Variants in SLC30A8 observed in about 807,000 individuals in gnomAD.
The protein encoded by SLC30A8 is solute carrier family 30 member 8.
A neutral mutation model predicts 36.9 loss-of-function variants in SLC30A8; 27 were observed. The observed-to-expected ratio is 0.73, with a 90% CI of 0.54 to 1.01. The LOEUF is 1.01. SLC30A8 is among the 50% of genes least tolerant of loss of function. SLC30A8 has a pLI of 0.00. For missense variants in SLC30A8, 439 were observed against 452.0 expected (o/e 0.97, Z 0.26); for synonymous variants, 164 against 172.4 (o/e 0.95, Z 0.38).
intron 2 of SLC30A8, chr8:117,147,580 C>A (rs1821958366): frequency 1.9e-5 from 3 of 160,266 alleles, no homozygotes; most frequent in Non-Finnish European, 4.1e-5. Context: ...TGCTTATGGA[C>A]AATGCTGCAA....
chr8:116,956,292 A>G (rs1174985345), intron 1 of SLC30A8, among the ~76,000 whole-genome samples: 1 of 152,194 alleles, frequency 6.6e-6, no homozygotes, highest in East Asian at 1.9e-4. Flanking sequence ...GGACAGGCTG[A>G]AAATAGCTAT....
intron 2 of SLC30A8, among the ~76,000 whole-genome samples, chr8:117,048,153 G>A (rs1434661198): frequency 6.6e-6 from 1 of 152,076 alleles, no homozygotes; most frequent in Non-Finnish European, 1.5e-5. Context: ...ATTCTTTCTT[G>A]CACAAGATCC....
At chr8:117,090,101 C>T (rs1191561427) in intron 2 of SLC30A8, among the ~76,000 whole-genome samples, 1 of 151,976 alleles carries the variant, frequency 6.6e-6, no homozygotes, top group Non-Finnish European at 1.5e-5. Context: ...GCCTCCCAAG[C>T]TACAGGCATC....
At chr8:117,090,314 C>A (rs556865701) in intron 2 of SLC30A8, among the ~76,000 whole-genome samples, 2 of 152,150 alleles carry the variant, frequency 1.3e-5, no homozygotes, top group Admixed American at 6.5e-5. Flanking sequence ...CTCTAAGAAG[C>A]CTTTGCTTCA....
intron 1 of SLC30A8, among the ~76,000 whole-genome samples, chr8:116,960,329 A>G (rs554536544): frequency 3.3e-5 from 5 of 152,286 alleles, no homozygotes; most frequent in African/African-American, 9.6e-5. Context: ...TTTTGAAAGG[A>G]TGCTCTTTAT....
chr8:117,157,780 G>C lies in SLC30A8; in HGVS notation c.508G>C (p.Asp170His), dbSNP rs1304394544. Residue 170 changes from aspartate (D) to histidine (H), a missense_variant, in exon 4 of 8, where the codon GAT becomes CAT. Physicochemically the swap from Asp to His is moderately conservative, Grantham distance 81 (BLOSUM62 -1). Coordinates refer to ENST00000456015, the MANE Select transcript of SLC30A8 (RefSeq NM_173851.3). ...YLACERLLYPDYQIQATVMII... is the reference protein window; with the variant it reads ...YLACERLLYPHYQIQATVMII... ...GGCATGTGAGCGCCTGCTGTATCCT[G>C]ATTACCAGATCCAGGCGACTGTGAT... 1.2e-6 allele frequency: 2 copies of C among 1,614,124 alleles called. No individual in the cohort carries two copies.
At chr8:117,058,037 C>T (rs938620388) in intron 2 of SLC30A8, among the ~76,000 whole-genome samples, 1 of 152,140 alleles carries the variant, frequency 6.6e-6, no homozygotes, top group African/African-American at 2.4e-5. Context: ...TTCTCCACAC[C>T]TTCCATAACA....
intron 2 of SLC30A8, among the ~76,000 whole-genome samples, chr8:117,123,971 A>G (rs1401025450): frequency 6.6e-6 from 1 of 151,904 alleles, no homozygotes; most frequent in Non-Finnish European, 1.5e-5. Flanking sequence ...TGGTGTGCAC[A>G]TTCTTATTAT....
chr8:117,015,963 C>T (rs1484480419), intron 1 of SLC30A8, among the ~76,000 whole-genome samples: 1 of 151,976 alleles, frequency 6.6e-6, no homozygotes, highest in Non-Finnish European at 1.5e-5. Flanking sequence ...ACAGGTGTGT[C>T]TAATGGTTTG....
Position 116,959,076 on chromosome 8 carries a change from C to T in SLC30A8, c.-266+7957C>T, listed in dbSNP as rs545637898. 2.0e-3 allele frequency among the ~76,000 whole-genome samples: 299 copies of T among 152,136 alleles called. 4 individuals carry two copies. Among genetic ancestry groups the T allele is most frequent in the African/African-American group, 6.7e-3 (279 of 41,498 alleles). On this transcript the variant is annotated intron_variant, in intron 1 of 10. Transcript: ENST00000427715. ...GTGTTAGCCGGGATGGTCTCGATCT[C>T]CTGACCTCGTGATCTGCCCGCCTCG... is the stretch of plus-strand genomic sequence containing the variant.
intron 2 of SLC30A8, among the ~76,000 whole-genome samples, chr8:117,071,960 G>C (rs2130799877): frequency 6.6e-6 from 1 of 151,444 alleles, no homozygotes; most frequent in East Asian, 1.9e-4. Flanking sequence ...GCCTTGTTTT[G>C]TTCTGCGTTC....
At chr8:117,061,108 A>T (rs1363545548) in intron 2 of SLC30A8, among the ~76,000 whole-genome samples, 1 of 152,230 alleles carries the variant, frequency 6.6e-6, no homozygotes, top group African/African-American at 2.4e-5. Context: ...TAGATGGAAG[A>T]GTATAAATTG....
chr8:117,051,596 A>G (rs13257552), intron 2 of SLC30A8, among the ~76,000 whole-genome samples: 45,260 of 151,844 alleles, frequency 0.3, 7,305 homozygotes, highest in African/African-American at 0.43. Flanking sequence ...GGCGGATCAC[A>G]AGGTCAGGAG....
At chr8:117,043,696 G>A (rs1013791205) in intron 2 of SLC30A8, among the ~76,000 whole-genome samples, 2 of 152,110 alleles carry the variant, frequency 1.3e-5, no homozygotes, top group African/African-American at 4.8e-5. Flanking sequence ...TCAGAGATTT[G>A]TGCAATTCTC....
intron 1 of SLC30A8, among the ~76,000 whole-genome samples, chr8:116,955,559 G>A (rs1392017352): frequency 3.3e-5 from 5 of 151,904 alleles, no homozygotes; most frequent in Admixed American, 3.3e-4. Flanking sequence ...GTGAAACCTT[G>A]TCTCTACTAA....
At chr8:116,978,278 TTGAC>T (rs758613916) in intron 1 of SLC30A8, among the ~76,000 whole-genome samples, 75 of 152,290 alleles carry the variant, frequency 4.9e-4, no homozygotes, top group Non-Finnish European at 8.2e-4. Context: ...AATATGCTTG[TTGAC>T]TGACTGAATG....
chr8:117,024,065 A>T (rs1031112079), intron 1 of SLC30A8, among the ~76,000 whole-genome samples: 37 of 152,192 alleles, frequency 2.4e-4, no homozygotes, highest in Admixed American at 1.4e-3. Flanking sequence ...CTAATAATGC[A>T]ACCTTACTCA....
chr8:116,984,864 C>A (rs1231830240), intron 1 of SLC30A8, among the ~76,000 whole-genome samples: 1 of 151,936 alleles, frequency 6.6e-6, no homozygotes, highest in Non-Finnish European at 1.5e-5. Context: ...TTGATTTAAT[C>A]CAATTTATAA....
In SLC30A8 at chr8:116,959,418, C is replaced by T. The variant is rs186170856; in HGVS notation, c.-266+8299C>T. 1.4e-3 allele frequency among the ~76,000 whole-genome samples: 207 copies of T among 152,178 alleles called. 1 individual carries two copies. Among genetic ancestry groups the T allele is most frequent in the East Asian group, 0.013 (65 of 5,170 alleles). Reference sequence around the variant, plus strand: ...GTCAATTTTAGTATCAATGTTAGTTCTAGATTGGCTTCAATTGATCGATTT... The same window carrying T: ...GTCAATTTTAGTATCAATGTTAGTTTTAGATTGGCTTCAATTGATCGATTT... On this transcript the variant is annotated intron_variant, in intron 1 of 10. Coordinates refer to the SLC30A8 transcript ENST00000427715.
Sources: gnomAD v4.1 joint callset for allele counts (sites outside exome capture counted in the v4.1 genomes callset) on GRCh38, gnomAD v4.1.1 for gene constraint, MANE v1.5 for transcripts, NCBI Gene and HGNC (gene_info 2026-07-23, HGNC 2026-07-21) for gene names.